The following TAF4B variants were observed in gnomAD, a reference collection of about 807,000 sequenced individuals.
TAF4B encodes the protein TATA-box binding protein associated factor 4b.
TAF4B carries 38 observed loss-of-function variants against 86.4 expected under a neutral mutation model. That is an observed-to-expected ratio of 0.44 (90% CI 0.34 to 0.58). TAF4B has a LOEUF of 0.58. Ranked by LOEUF, TAF4B falls within the 20% of genes least tolerant of loss-of-function variation. The pLI is 0.02. For missense variants in TAF4B, 988 were observed against 1,027.6 expected, an observed-to-expected ratio of 0.96 and a Z score of 0.53; for synonymous variants, 388 against 391.2, an observed-to-expected ratio of 0.99 and a Z score of 0.10.
intron 1 of TAF4B, among the ~76,000 whole-genome samples, chr18:26,251,843 G>A (rs1192964486): frequency 6.6e-6 from 1 of 152,176 alleles, no homozygotes; most frequent in Non-Finnish European, 1.5e-5. Flanking sequence ...CAAAAGGAGT[G>A]TTTTGCATCT....
intron 10 of TAF4B, among the ~76,000 whole-genome samples, chr18:26,320,412 C>T (rs1228451406): frequency 6.6e-6 from 1 of 152,064 alleles, no homozygotes. Context: ...AACTTTCTTG[C>T]TAGTTAGCAG....
chr18:26,332,782 T>A (rs2057061199), intron 12 of TAF4B, among the ~76,000 whole-genome samples: 1 of 152,132 alleles, frequency 6.6e-6, no homozygotes. Flanking sequence ...TCCACCCACC[T>A]CAGCATCCCA....
chr18:26,356,590 T>C (rs2144732024), intron 13 of TAF4B, among the ~76,000 whole-genome samples: 1 of 152,316 alleles, frequency 6.6e-6, no homozygotes, highest in East Asian at 1.9e-4. Context: ...GTATAGGGTT[T>C]CTCAACAGGT....
At chr18:26,339,948 T>C (rs2057123470) in intron 13 of TAF4B, among the ~76,000 whole-genome samples, 1 of 152,244 alleles carries the variant, frequency 6.6e-6, no homozygotes, top group Admixed American at 6.5e-5. Flanking sequence ...ATTTACTTTC[T>C]TTTTACCAAT....
intron 14 of TAF4B, among the ~76,000 whole-genome samples, chr18:26,373,707 T>A (rs2057421745): frequency 6.6e-6 from 1 of 152,208 alleles, no homozygotes; most frequent in Admixed American, 6.5e-5. Context: ...ATTGGTAATC[T>A]TCTTTCCATC....
chr18:26,374,650 A>C (rs1398857408), intron 14 of TAF4B, among the ~76,000 whole-genome samples: 4 of 152,200 alleles, frequency 2.6e-5, no homozygotes, highest in Non-Finnish European at 5.9e-5. Context: ...CATAGTTTAA[A>C]TGATGGTTAA....
intron 3 of TAF4B, among the ~76,000 whole-genome samples, chr18:26,270,588 A>C (rs936847050): frequency 2.0e-5 from 3 of 152,178 alleles, no homozygotes; most frequent in African/African-American, 7.2e-5. Flanking sequence ...AAATGCTGGG[A>C]TTATAGGCAT....
intron 13 of TAF4B, among the ~76,000 whole-genome samples, chr18:26,351,690 GAAAAT>G (rs1598821052): frequency 6.6e-6 from 1 of 152,018 alleles, no homozygotes; most frequent in East Asian, 1.9e-4. Flanking sequence ...GCAACAAACA[GAAAAT>G]AAATAAGATA....
At chr18:26,378,142 G>A (rs2057455273) in intron 14 of TAF4B, among the ~76,000 whole-genome samples, 1 of 152,156 alleles carries the variant, frequency 6.6e-6, no homozygotes, top group Non-Finnish European at 1.5e-5. Context: ...AGTGAAGGGT[G>A]GGGTGGGTTG....
chr18:26,375,524 GCACA>G (rs2057436661), intron 14 of TAF4B, among the ~76,000 whole-genome samples: 1 of 152,096 alleles, frequency 6.6e-6, no homozygotes, highest in Admixed American at 6.6e-5. Context: ...CATCCACAAT[GCACA>G]AGGGTTCCAC....
Position 26,355,052 on chromosome 18 carries a change from TTTTA to T in TAF4B, c.2317-2634_2317-2631del, listed in dbSNP as rs1232708171. Among the ~76,000 whole-genome samples, 5 of 152,354 alleles carry T rather than the reference TTTTA, an allele frequency of 3.3e-5. No individual in the cohort carries two copies. The East Asian group carries it at 9.6e-4, about 29-fold the overall frequency. ...TGTCTCTCCATTTGTTTATTTATTT[TTTTA>T]TTTCTTTCATAGGCATTTTGTGATT... On this transcript the variant is annotated intron_variant, in intron 13 of 14. Transcript: ENST00000269142.
At chr18:26,304,850 T>C (rs2056778203) in intron 9 of TAF4B, 5 of 985,292 alleles carry the variant, frequency 5.1e-6, no homozygotes, top group Non-Finnish European at 6.0e-6. Context: ...ACTTACTGCC[T>C]GAAGGAAAAA....
At chr18:26,294,305 T>C (rs1252702156) in intron 9 of TAF4B, among the ~76,000 whole-genome samples, 1 of 152,088 alleles carries the variant, frequency 6.6e-6, no homozygotes, top group Non-Finnish European at 1.5e-5. Flanking sequence ...TTTTGATATT[T>C]TAAAAATCCA....
At chr18:26,250,195 A>G (rs1369931027) in intron 1 of TAF4B, among the ~76,000 whole-genome samples, 2 of 152,100 alleles carry the variant, frequency 1.3e-5, no homozygotes, top group Non-Finnish European at 2.9e-5. Flanking sequence ...CACCAGGCTT[A>G]GCTAATTATA....
rs1384811630 is a variant in TAF4B at position 26,322,278 on chromosome 18, T to A, written c.2133+1078T>A. ...TGGAGGAATCATATTATTTTATTTTTTTTTCCTTTCCATTTAGAACTTTGG... is the reference window on the plus strand; with the variant it reads ...TGGAGGAATCATATTATTTTATTTTATTTTCCTTTCCATTTAGAACTTTGG... On this transcript the variant is annotated intron_variant, in intron 11 of 14. Transcript: ENST00000269142. Among the ~76,000 whole-genome samples the A allele has an allele frequency of 3.3e-5, 5 of 152,296 alleles. No individual in the cohort carries two copies. The South Asian group carries it at 6.2e-4, about 19-fold the overall frequency.
chr18:26,251,948 G>A (rs1325868512), intron 1 of TAF4B, among the ~76,000 whole-genome samples: 1 of 152,116 alleles, frequency 6.6e-6, no homozygotes, highest in Non-Finnish European at 1.5e-5. Flanking sequence ...GATGTTTTGA[G>A]TACTTAGTTG....
At chr18:26,282,382 T>C (rs538739299) in intron 6 of TAF4B, among the ~76,000 whole-genome samples, 1 of 152,308 alleles carries the variant, frequency 6.6e-6, no homozygotes, top group South Asian at 2.1e-4. Context: ...AATATCACAA[T>C]AAAGTGAGTC....
intron 1 of TAF4B, among the ~76,000 whole-genome samples, chr18:26,251,524 G>A (rs1598726437): frequency 6.6e-6 from 1 of 152,108 alleles, no homozygotes; most frequent in Non-Finnish European, 1.5e-5. Context: ...TGTAAATCAT[G>A]TACCAAGTAG....
At chr18:26,365,002 CTTTTTTTTT>C (rs1236686001) in intron 14 of TAF4B, among the ~76,000 whole-genome samples, 2 of 109,244 alleles carry the variant, frequency 1.8e-5, no homozygotes, top group Admixed American at 1.0e-4. Context: ...TAATTCTATT[CTTTTTTTTT>C]TTTTTTTTTT....
Sources: allele counts gnomAD v4.1 joint callset (sites outside exome capture counted in the v4.1 genomes callset), GRCh38; gene constraint gnomAD v4.1.1; transcripts MANE v1.5; gene names NCBI Gene and HGNC (gene_info 2026-07-23, HGNC 2026-07-21).